TRIM13: variants seen among roughly 807,000 people sequenced by gnomAD.
The protein encoded by TRIM13 is tripartite motif containing 13, also known as E3 ubiquitin-protein ligase TRIM13.
In TRIM13, 15 loss-of-function variants were observed where a neutral mutation model predicts 27.1. That is an observed-to-expected ratio of 0.55 (90% confidence interval 0.37 to 0.85). TRIM13 has a LOEUF of 0.85. Among genes scored for constraint, TRIM13 ranks in the 40% least tolerant of loss-of-function variants. TRIM13 has a pLI of 0.00. For synonymous variants in TRIM13, 193 were observed against 171.5 expected, an observed-to-expected ratio of 1.13 and a Z score of -0.98; for missense variants, 402 against 472.2, an observed-to-expected ratio of 0.85 and a Z score of 1.38.
rs200474686 is a variant in TRIM13, at chr13:50,015,768, G to T, written c.*2604G>T. On this transcript the variant is annotated 3_prime_UTR_variant, in exon 2 of 2. Coordinates refer to ENST00000378182, the MANE Select transcript of TRIM13 (RefSeq NM_213590.3). ...AGAGAGGCTCTTTTCTATGAACTTC[G>T]TTCTCTAGTTGATCTCTTAAACCCA... 4.3e-6 allele frequency: 7 copies of T among 1,613,928 alleles called. No individual in the cohort carries two copies. The highest frequency in any genetic ancestry group is 4.0e-5 in the African/African-American group (3 of 74,884).
intron 1 of TRIM13, among the ~76,000 whole-genome samples, chr13:50,000,318 A>T (rs1873871140): frequency 6.6e-6 from 1 of 152,200 alleles, no homozygotes; most frequent in Non-Finnish European, 1.5e-5. Flanking sequence ...AAACCTAGTC[A>T]TCTTTTCAAC....
In TRIM13 at chr13:50,007,401, G is replaced by T. The variant is rs567413786; in HGVS notation, c.-6-4534G>T. Among the ~76,000 whole-genome samples, 4 of 147,904 alleles carry T rather than the reference G, an allele frequency of 2.7e-5. No homozygotes were observed. In the South Asian group the frequency reaches 8.9e-4, roughly 33 times the overall value. On this transcript the variant is annotated intron_variant, in intron 1 of 1. Coordinates refer to ENST00000378182, the MANE Select transcript of TRIM13 (RefSeq NM_213590.3). ...AGCTACTCGGGAGGCTGAGGCAGGA[G>T]AATTGCTTGAACCTGGGCAGCAGAG...
chr13:50,007,978 A>G (rs952603042), intron 1 of TRIM13, among the ~76,000 whole-genome samples: 19 of 150,860 alleles, frequency 1.3e-4, no homozygotes, highest in Non-Finnish European at 2.5e-4. Flanking sequence ...TGTCTCGGCT[A>G]ACTGCAAGCT....
intron 1 of TRIM13, among the ~76,000 whole-genome samples, chr13:50,009,644 G>A (rs556140419): frequency 5.2e-4 from 79 of 150,510 alleles, no homozygotes; most frequent in Non-Finnish European, 8.6e-4. Flanking sequence ...GGCTGAGGCA[G>A]GAGAATCACT....
rs576271590 is a variant in TRIM13, at chr13:49,997,722, A to T, written c.-48A>T. ...AAAAAAGACCTGCTTTGCCCTGGGA[A>T]ATAGTAACCCTGCCAAATACATCAG... On this transcript the variant is annotated 5_prime_UTR_variant, in exon 1 of 2. Transcript: ENST00000378182. 3 of 152,322 alleles carry T rather than the reference A, an allele frequency of 2.0e-5. No homozygotes were observed. In the South Asian group the frequency reaches 6.2e-4, roughly 32 times the overall value. The allele number at this position is 152,322 out of a possible 1,614,324, so 9.4% of individuals were successfully genotyped here.
chr13:50,009,756 A>ACAAC (rs569715955), intron 1 of TRIM13, among the ~76,000 whole-genome samples: 5 of 122,734 alleles, frequency 4.1e-5, no homozygotes, highest in East Asian at 2.0e-4. Flanking sequence ...AAAAAAAAAA[A>ACAAC]AACAACAACA....
At chr13:50,005,216 G>T (rs1874535235) in intron 1 of TRIM13, among the ~76,000 whole-genome samples, 1 of 152,120 alleles carries the variant, frequency 6.6e-6, no homozygotes, top group South Asian at 2.1e-4. Context: ...AAGTTATTTT[G>T]CTGTGAAGAG....
intron 1 of TRIM13, among the ~76,000 whole-genome samples, chr13:50,002,462 T>G (rs1043758976): frequency 6.6e-6 from 1 of 152,198 alleles, no homozygotes; most frequent in Non-Finnish European, 1.5e-5. Context: ...GCTAATGTTT[T>G]CAAAGTTTTA....
In TRIM13 at chr13:50,014,360, T is replaced by TATATATATATATATACAC. The variant is rs879170111; in HGVS notation, c.*1197_*1198insTATATATATATATACACA. ...AAAAAAAAAAATATATATATATATA[T>TATATATATATATATACAC]ACACACACACACACACATATGTACA... is the stretch of plus-strand genomic sequence containing the variant. On this transcript the variant is annotated 3_prime_UTR_variant, in exon 2 of 2. Transcript: ENST00000378182. The TATATATATATATATACAC allele has an allele frequency of 1.0e-4, 6 of 58,562 alleles. No homozygotes were observed. The highest frequency in any genetic ancestry group is 9.3e-4 in the East Asian group (1 of 1,080). The allele number at this position is 58,562 out of a possible 1,614,324, so 3.6% of individuals were successfully genotyped here.
intron 1 of TRIM13, among the ~76,000 whole-genome samples, chr13:49,998,154 C>T (rs1447070250): frequency 6.6e-6 from 1 of 152,052 alleles, no homozygotes; most frequent in Non-Finnish European, 1.5e-5. Flanking sequence ...TACATAGGCA[C>T]TCCTTCTAGT....
At chr13:50,001,959 C>T (rs1374010168) in intron 1 of TRIM13, among the ~76,000 whole-genome samples, 6 of 151,814 alleles carry the variant, frequency 4.0e-5, no homozygotes, top group Admixed American at 3.9e-4. Flanking sequence ...AATAGCTATA[C>T]AAATGAGGAG....
At chr13:50,002,861 C>T (rs1874221125) in intron 1 of TRIM13, among the ~76,000 whole-genome samples, 1 of 152,018 alleles carries the variant, frequency 6.6e-6, no homozygotes, top group Non-Finnish European at 1.5e-5. Flanking sequence ...CAGGGTTTCA[C>T]CATCTTGGCC....
intron 1 of TRIM13, among the ~76,000 whole-genome samples, chr13:50,010,174 G>A (rs1017737178): frequency 2.7e-5 from 4 of 150,036 alleles, no homozygotes; most frequent in Admixed American, 6.7e-5. Context: ...TCAGCCTCCC[G>A]AGTAGTTGGG....
At position 50,016,102 on chromosome 13, in the gene TRIM13, A is replaced by G. The variant is rs2138446569; in HGVS notation, c.*2938A>G. On this transcript the variant is annotated 3_prime_UTR_variant, in exon 2 of 2. Coordinates refer to ENST00000378182, the MANE Select transcript of TRIM13 (RefSeq NM_213590.3). ...TTGTACTTTGCAGTATTTCTCTTGT[A>G]TACCAGTTTGTGATGTTTTCTCTAA... 6.7e-7 allele frequency: 1 copy of G among 1,503,722 alleles called. No homozygotes were observed. Among genetic ancestry groups the G allele is most frequent in the South Asian group, 1.2e-5 (1 of 86,904 alleles). 93.1% of individuals were successfully genotyped at this position (1,503,722 alleles called of 1,614,324 possible).
chr13:49,999,270 A>T (rs2138332508), intron 1 of TRIM13, among the ~76,000 whole-genome samples: 1 of 152,220 alleles, frequency 6.6e-6, no homozygotes, highest in East Asian at 1.9e-4. Flanking sequence ...TATGTAAATG[A>T]TTCACCTGGT....
intron 1 of TRIM13, among the ~76,000 whole-genome samples, chr13:49,999,564 A>G (rs1566430665): frequency 6.6e-6 from 1 of 152,142 alleles, no homozygotes; most frequent in Non-Finnish European, 1.5e-5. Flanking sequence ...TTTTTCCAAG[A>G]GATGGGATTC....
rs989266660 is a variant in TRIM13, at chr13:50,001,309, A to G, written c.-7+3546A>G. Among the ~76,000 whole-genome samples the G allele has an allele frequency of 4.0e-5, 6 of 151,108 alleles. No homozygotes were observed. In the East Asian group the frequency reaches 5.8e-4, roughly 15 times the overall value. On this transcript the variant is annotated intron_variant, in intron 1 of 1. Coordinates refer to ENST00000378182, the MANE Select transcript of TRIM13 (RefSeq NM_213590.3). ...TCTGTCCCAAAAAAAAAAAAAAAAA[A>G]GGCAGGAAAGAGTCCAGGCTAAACT...
chr13:50,001,174 C>A (rs1324630814), intron 1 of TRIM13: 2 of 151,894 alleles, frequency 1.3e-5, no homozygotes, highest in African/African-American at 4.8e-5. Context: ...GCCTGTAATA[C>A]CAGCTACTTG....
intron 1 of TRIM13, among the ~76,000 whole-genome samples, chr13:50,004,238 G>A (rs1016398781): frequency 6.6e-6 from 1 of 152,030 alleles, no homozygotes; most frequent in Non-Finnish European, 1.5e-5. Flanking sequence ...AGTCCCGACT[G>A]CTTGAGCTCA....
Sources: gnomAD v4.1 joint callset for allele counts (sites outside exome capture counted in the v4.1 genomes callset) on GRCh38, gnomAD v4.1.1 for gene constraint, MANE v1.5 for transcripts, NCBI Gene and HGNC (gene_info 2026-07-23, HGNC 2026-07-21) for gene names.